ALG10B: variants seen among roughly 807,000 people sequenced by gnomAD.
ALG10B encodes ALG10 alpha-1,2-glucosyltransferase B, also known as dol-P-Glc:Glc(2)Man(9)GlcNAc(2)-PP-Dol alpha-1,2-glucosyltransferase B.
A neutral mutation model predicts 38.7 loss-of-function variants in ALG10B; 27 were observed. The ratio of observed to expected loss-of-function variants is 0.70; its 90% confidence interval spans 0.51 to 0.96. The LOEUF is 0.96. ALG10B is among the 40% of genes least tolerant of loss of function. The pLI is 0.00. For missense variants in ALG10B, 522 were observed against 542.7 expected, an observed-to-expected ratio of 0.96 and a Z score of 0.38; for synonymous variants, 177 against 193.3, an observed-to-expected ratio of 0.92 and a Z score of 0.70.
In ALG10B at chr12:38,326,194, A is replaced by ATTATT. The variant is rs965377287; in HGVS notation, c.*5004_*5008dup. 2.2e-4 allele frequency: 28 copies of ATTATT among 125,598 alleles called. No individual in the cohort carries two copies. In the East Asian group the frequency reaches 2.9e-3, roughly 13 times the overall value. 7.8% of individuals were successfully genotyped at this position (125,598 alleles called of 1,614,324 possible). A position where few individuals can be genotyped will look rare whatever the true frequency, so the allele number is the denominator to read the frequency against. On this transcript the variant is annotated 3_prime_UTR_variant, in exon 3 of 3. Coordinates refer to ENST00000308742, the MANE Select transcript of ALG10B (RefSeq NM_001013620.4). ...GATTTTATTTTATTTTATTTTATTT[A>ATTATT]TTATTTTATTTTATTTTATTTTATT...
In ALG10B at chr12:38,326,025, A is replaced by G. The variant is rs1343629402; in HGVS notation, c.*4812A>G. 1.3e-5 allele frequency: 2 copies of G among 151,998 alleles called. No individual in the cohort carries two copies. Among genetic ancestry groups the G allele is most frequent in the Non-Finnish European group, 2.9e-5 (2 of 67,992 alleles). The allele number at this position is 151,998 out of a possible 1,614,324, so 9.4% of individuals were successfully genotyped here. A position where few individuals can be genotyped will look rare whatever the true frequency, so the allele number is the denominator to read the frequency against. On this transcript the variant is annotated 3_prime_UTR_variant, in exon 3 of 3. Coordinates refer to ENST00000308742, the MANE Select transcript of ALG10B (RefSeq NM_001013620.4). ...GTCATCCTAAACATTTTTCTGTGTAATTTTCTGACCCAGTGTTAACAATTT... is the reference window on the plus strand; with the variant it reads ...GTCATCCTAAACATTTTTCTGTGTAGTTTTCTGACCCAGTGTTAACAATTT...
chr12:38,321,227 T>C lies in ALG10B; in HGVS notation c.*14T>C. Reference sequence around the variant, plus strand: ...TTTATGTGGTAATATCAGTGATATTTTGAACTGTAAAAATGGACTTAATAA... The same window carrying C: ...TTTATGTGGTAATATCAGTGATATTCTGAACTGTAAAAATGGACTTAATAA... On this transcript the variant is annotated 3_prime_UTR_variant, in exon 3 of 3. Coordinates refer to ENST00000308742, the MANE Select transcript of ALG10B (RefSeq NM_001013620.4). The C allele has an allele frequency of 6.2e-7, 1 of 1,605,746 alleles. No homozygotes were observed. The highest frequency in any genetic ancestry group is 1.1e-5 in the South Asian group (1 of 89,632).
In ALG10B at chr12:38,326,199, T is replaced by TTA. The variant is rs1565606327; in HGVS notation, c.*4987_*4988insAT. The TTA allele has an allele frequency of 7.0e-6, 1 of 142,224 alleles. No individual in the cohort carries two copies. Among genetic ancestry groups the TTA allele is most frequent in the Non-Finnish European group, 1.6e-5 (1 of 63,136 alleles). 8.8% of individuals were successfully genotyped at this position (142,224 alleles called of 1,614,324 possible). ...TATTTTATTTTATTTTATTTATTAT[T>TTA]TTATTTTATTTTATTTTATTTTTTA... is the stretch of plus-strand genomic sequence containing the variant. On this transcript the variant is annotated 3_prime_UTR_variant, in exon 3 of 3. Coordinates refer to ENST00000308742, the MANE Select transcript of ALG10B (RefSeq NM_001013620.4).
chr12:38,317,149 C>T (rs1161758338), intron 1 of ALG10B, 85 bp downstream of exon 1: 13 of 1,590,256 alleles, frequency 8.2e-6, no homozygotes, highest in Non-Finnish European at 1.1e-5. Context: ...TTAGACTTAA[C>T]TCGTCCCTTT....
rs1230791469 is a variant in ALG10B at position 38,320,984 on chromosome 12, T to C, written c.1193T>C (p.Met398Thr). 6.2e-7 allele frequency: 1 copy of C among 1,613,522 alleles called. No individual in the cohort carries two copies. Among genetic ancestry groups the C allele is most frequent in the South Asian group, 1.1e-5 (1 of 90,928 alleles). Residue 398 changes from methionine (M) to threonine (T), a missense_variant, in exon 3 of 3, where the codon ATG becomes ACG. Met to Thr is a moderately conservative substitution (Grantham distance 81). Transcript: ENST00000308742. ...TCAAAGCCAATTTTTTGGAATTTAA[T>C]GTTTTTCATATGCTTGTTCATTGTT... Reference protein sequence around the residue: ...LKSKPIFWNLMFFICLFIVIV... With the variant: ...LKSKPIFWNLTFFICLFIVIV...
rs1945762895 is a variant in ALG10B, at chr12:38,328,284, ACTATTTGACT to A, written c.*7077_*7086del. The A allele has an allele frequency of 6.6e-6, 1 of 152,178 alleles. No homozygotes were observed. The highest frequency in any genetic ancestry group is 2.1e-4 in the South Asian group (1 of 4,834). The allele number at this position is 152,178 out of a possible 1,614,324, so 9.4% of individuals were successfully genotyped here. A position where few individuals can be genotyped will look rare whatever the true frequency, so the allele number is the denominator to read the frequency against. On this transcript the variant is annotated 3_prime_UTR_variant, in exon 3 of 3. Coordinates refer to ENST00000308742, the MANE Select transcript of ALG10B (RefSeq NM_001013620.4). ...TATTTTAAGTTTCTAAACCAAAACTACTATTTGACTCTATTACACCCTGTTTTAGAAAAAC... is the reference window on the plus strand; with the variant it reads ...TATTTTAAGTTTCTAAACCAAAACTACTATTACACCCTGTTTTAGAAAAAC...
chr12:38,325,702 T>C lies in ALG10B; in HGVS notation c.*4489T>C, dbSNP rs1945738270. ...ACATTTAACATGGGAGTTAAGATTT[T>C]TATATTTGGTTGTGGCTCTGGGATC... On this transcript the variant is annotated 3_prime_UTR_variant, in exon 3 of 3. Coordinates refer to ENST00000308742, the MANE Select transcript of ALG10B (RefSeq NM_001013620.4). The C allele has an allele frequency of 6.6e-6, 1 of 152,190 alleles. No individual in the cohort carries two copies. The highest frequency in any genetic ancestry group is 1.5e-5 in the Non-Finnish European group (1 of 68,032). 9.4% of individuals were successfully genotyped at this position (152,190 alleles called of 1,614,324 possible).
Position 38,326,853 on chromosome 12 carries a change from A to T in ALG10B, c.*5640A>T, listed in dbSNP as rs78672974. The T allele has an allele frequency of 6.6e-6, 1 of 151,542 alleles. No individual in the cohort carries two copies. Among genetic ancestry groups the T allele is most frequent in the Non-Finnish European group, 1.5e-5 (1 of 67,890 alleles). The allele number at this position is 151,542 out of a possible 1,614,324, so 9.4% of individuals were successfully genotyped here. A position where few individuals can be genotyped will look rare whatever the true frequency, so the allele number is the denominator to read the frequency against. On this transcript the variant is annotated 3_prime_UTR_variant, in exon 3 of 3. Transcript: ENST00000308742. Reference sequence around the variant, plus strand: ...TCAACACTAATATTTAATATTTGAGATTTGAAAAATTATTTCTAGGGTAAG... The same window carrying T: ...TCAACACTAATATTTAATATTTGAGTTTTGAAAAATTATTTCTAGGGTAAG...
In ALG10B at chr12:38,321,127, A is replaced by T. The variant is rs61730283; in HGVS notation, c.1336A>T (p.Ile446Phe). The T allele has an allele frequency of 6.2e-7, 1 of 1,613,480 alleles. No homozygotes were observed. Among genetic ancestry groups the T allele is most frequent in the Non-Finnish European group, 8.5e-7 (1 of 1,179,768 alleles). The part of the protein sequence containing the change: ...RLVCELSCYA[I>F]VNFITFYIFL... ...TGTTTGTGAACTGAGTTGCTATGCA[A>T]TTGTTAATTTCATAACTTTTTACAT... The change falls in exon 3 of 3, where the codon ATT becomes TTT. Residue 446 changes from isoleucine to phenylalanine, a missense_variant. Coordinates refer to ENST00000308742, the MANE Select transcript of ALG10B (RefSeq NM_001013620.4).
In ALG10B at chr12:38,326,435, C is replaced by T. The variant is rs1050724659; in HGVS notation, c.*5222C>T. 6.6e-6 allele frequency: 1 copy of T among 150,422 alleles called. No individual in the cohort carries two copies. The highest frequency in any genetic ancestry group is 2.4e-5 in the African/African-American group (1 of 40,864). The allele number at this position is 150,422 out of a possible 1,614,324, so 9.3% of individuals were successfully genotyped here. Reference sequence around the variant, plus strand: ...AATAAGAAAAACAAATAACTTTCAACCATTAAAAGGTTATAACACTTTAAA... The same window carrying T: ...AATAAGAAAAACAAATAACTTTCAATCATTAAAAGGTTATAACACTTTAAA... On this transcript the variant is annotated 3_prime_UTR_variant, in exon 3 of 3. Coordinates refer to ENST00000308742, the MANE Select transcript of ALG10B (RefSeq NM_001013620.4).
chr12:38,327,965 G>A lies in ALG10B; in HGVS notation c.*6752G>A, dbSNP rs1945760551. The stretch of plus-strand genomic sequence containing the variant: ...TGTATTGCCTGAAGTGTAAATCAGA[G>A]GTCAACAATTAGATTGCAAATCATG... On this transcript the variant is annotated 3_prime_UTR_variant, in exon 3 of 3. Coordinates refer to ENST00000308742, the MANE Select transcript of ALG10B (RefSeq NM_001013620.4). The A allele has an allele frequency of 6.6e-6, 1 of 152,060 alleles. No individual in the cohort carries two copies. The highest frequency in any genetic ancestry group is 6.6e-5 in the Admixed American group (1 of 15,262). 9.4% of individuals were successfully genotyped at this position (152,060 alleles called of 1,614,324 possible).
In ALG10B at chr12:38,323,670, G is replaced by C; in HGVS notation, c.*2457G>C. 3 of 457,378 alleles carry C rather than the reference G, an allele frequency of 6.6e-6. No homozygotes were observed. Among genetic ancestry groups the C allele is most frequent in the South Asian group, 3.8e-5 (1 of 26,634 alleles). 28.3% of individuals were successfully genotyped at this position (457,378 alleles called of 1,614,324 possible). A position where few individuals can be genotyped will look rare whatever the true frequency, so the allele number is the denominator to read the frequency against. On this transcript the variant is annotated 3_prime_UTR_variant, in exon 3 of 3. Transcript: ENST00000308742. The stretch of plus-strand genomic sequence containing the variant: ...GAGTAATAAATGCAGGCCATTTTTT[G>C]GTTGTACTCTAGTACTCAGAAAATA...
chr12:38,318,448 C>T lies in ALG10B; in HGVS notation c.359C>T (p.Pro120Leu), dbSNP rs756007168. 1.5e-5 allele frequency: 25 copies of T among 1,613,942 alleles called. No individual in the cohort carries two copies. In the East Asian group the frequency reaches 3.1e-4, roughly 20 times the overall value. Reference protein sequence around the residue: ...LLYLLFHKVQPRNKAASSIQR... With the variant: ...LLYLLFHKVQLRNKAASSIQR... ...TATTTGCTTTTCCACAAGGTACAAC[C>T]CAGAAACAAGGTATGTTTCAAAATA... Residue 120 changes from proline (P) to leucine (L), a missense_variant, in exon 2 of 3, where the codon CCC becomes CTC. Physicochemically the swap from Pro to Leu is moderately conservative, Grantham distance 98 (BLOSUM62 -3). Coordinates refer to ENST00000308742, the MANE Select transcript of ALG10B (RefSeq NM_001013620.4).
At position 38,328,945 on chromosome 12, in the gene ALG10B, C is replaced by T. The variant is rs1945769891; in HGVS notation, c.*7732C>T. On this transcript the variant is annotated 3_prime_UTR_variant, in exon 3 of 3. Coordinates refer to ENST00000308742, the MANE Select transcript of ALG10B (RefSeq NM_001013620.4). ...GATCAGTACCGTACACATGGGGAAACTTAGTATAGAGAGGTGAAGTATTTT... is the reference window on the plus strand; with the variant it reads ...GATCAGTACCGTACACATGGGGAAATTTAGTATAGAGAGGTGAAGTATTTT... The T allele has an allele frequency of 2.9e-6, 1 of 345,526 alleles. No homozygotes were observed. The highest frequency in any genetic ancestry group is 4.2e-5 in the East Asian group (1 of 23,666). 21.4% of individuals were successfully genotyped at this position (345,526 alleles called of 1,614,324 possible).
upstream of ALG10B, chr12:38,316,694 T>C (rs1270433648): frequency 4.3e-5 from 35 of 816,348 alleles, 2 homozygotes; most frequent in South Asian, 5.2e-4. Flanking sequence ...CGGTCCGTTA[T>C]CTAAACCCGT....
In ALG10B at chr12:38,321,178, C is replaced by T. The variant is rs184416396; in HGVS notation, c.1387C>T (p.Pro463Ser). ...CTTTCTGAACAAGACTTTTCAGTGG[C>T]CAAATAGTCAGGACATTCAAAGGTT... The part of the protein sequence containing the change: ...YIFLNKTFQW[P>S]NSQDIQRFMW The change falls in exon 3 of 3, where the codon CCA becomes TCA. Residue 463 changes from proline to serine, a missense_variant. Physicochemically the swap from Pro to Ser is moderately conservative, Grantham distance 74. Transcript: ENST00000308742. 1.6e-5 allele frequency: 25 copies of T among 1,612,082 alleles called. No individual in the cohort carries two copies. In the East Asian group the frequency reaches 5.1e-4, roughly 33 times the overall value.
At chr12:38,316,757 C>G (rs1470002920), upstream of ALG10B, 2 of 1,454,262 alleles carry the variant, frequency 1.4e-6, no homozygotes, top group African/African-American at 2.8e-5. Context: ...CTCCCAGCAT[C>G]CTTTGCCTTC....
intron 2 of ALG10B, 147 bp downstream of exon 2, chr12:38,318,605 C>T: frequency 1.1e-6 from 1 of 919,072 alleles, no homozygotes; most frequent in African/African-American, 1.7e-5. Context: ...AATTTAAATT[C>T]TCCATCTCCA....
intron 1 of ALG10B, chr12:38,317,498 G>T (rs1289557907): frequency 5.4e-6 from 1 of 184,244 alleles, no homozygotes; most frequent in African/African-American, 2.4e-5. Context: ...ACCAAAAAGT[G>T]ACAATTTATA....
Sources: gnomAD v4.1 joint callset for allele counts on GRCh38, gnomAD v4.1.1 for gene constraint, MANE v1.5 for transcripts, NCBI Gene and HGNC (gene_info 2026-07-23, HGNC 2026-07-21) for gene names.